The following GTF2E1 variants were observed in gnomAD, a reference collection of about 807,000 sequenced individuals.
The protein encoded by GTF2E1 is general transcription factor IIE subunit 1.
A neutral mutation model predicts 34.9 loss-of-function variants in GTF2E1; 14 were observed. The observed-to-expected ratio is 0.40, with a 90% CI of 0.27 to 0.63. The LOEUF (loss-of-function observed/expected upper bound fraction) is 0.63. Ranked by LOEUF, GTF2E1 falls within the 20% of genes least tolerant of loss-of-function variation. The probability of loss-of-function intolerance (pLI) is 0.39; values close to 1 mark genes in which losing one functional copy is unlikely to be tolerated. For synonymous variants in GTF2E1, 188 were observed against 192.9 expected (o/e 0.97, Z 0.21); for missense variants, 469 against 557.7 (o/e 0.84, Z 1.60).
At chr3:120,745,786 A>G (rs1484440471) in intron 1 of GTF2E1, among the ~76,000 whole-genome samples, 3 of 152,224 alleles carry the variant, frequency 2.0e-5, no homozygotes, top group African/African-American at 4.8e-5. Context: ...AAAAAATGAA[A>G]ACGGGGTTCA....
rs1405881691 is a variant in GTF2E1 at position 120,781,131 on chromosome 3, T to G, written c.981T>G (p.Ile327Met). 2.5e-6 allele frequency: 4 copies of G among 1,614,134 alleles called. No individual in the cohort carries two copies. The African/African-American group carries it at 5.3e-5, about 22-fold the overall frequency. Residue 327 changes from isoleucine to methionine, a missense_variant, in exon 5 of 5, where the codon ATT becomes ATG. Coordinates refer to ENST00000283875, the MANE Select transcript of GTF2E1 (RefSeq NM_005513.3). ...DNEEVMRALL[I>M]HEKKTSSAMA... The stretch of plus-strand genomic sequence containing the variant: ...AAGAGGTCATGCGAGCACTGCTCAT[T>G]CACGAGAAAAAGACTTCCTCTGCCA...
intron 1 of GTF2E1, among the ~76,000 whole-genome samples, chr3:120,744,658 A>G (rs376524412): frequency 6.6e-6 from 1 of 151,734 alleles, no homozygotes; most frequent in Non-Finnish European, 1.5e-5. Context: ...TTTTTTCTGT[A>G]ATAACTTTCA....
At chr3:120,751,387 C>G (rs1414166879) in intron 2 of GTF2E1, among the ~76,000 whole-genome samples, 1 of 152,128 alleles carries the variant, frequency 6.6e-6, no homozygotes, top group Admixed American at 6.6e-5. Flanking sequence ...AAAGTGGTAT[C>G]AGGAGTATAT....
At position 120,744,644 on chromosome 3, in the gene GTF2E1, A is replaced by AT. The variant is rs892176039; in HGVS notation, c.-31+1859dup. Among the ~76,000 whole-genome samples the AT allele has an allele frequency of 1.6e-4, 24 of 150,394 alleles. No individual in the cohort carries two copies. The South Asian group carries it at 3.2e-3, about 20-fold the overall frequency. On this transcript the variant is annotated intron_variant, in intron 1 of 4. Transcript: ENST00000283875. ...CAATATATTTTGTTGGGTCCTTTTG[A>AT]TTTTTTTTTCTGTAATAACTTTCAT...
At chr3:120,755,650 G>C (rs1366019388) in intron 2 of GTF2E1, among the ~76,000 whole-genome samples, 1 of 152,058 alleles carries the variant, frequency 6.6e-6, no homozygotes, top group African/African-American at 2.4e-5. Flanking sequence ...TACTATTTTA[G>C]TTATTTTTAA....
At chr3:120,777,886 G>A (rs1486793653) in intron 4 of GTF2E1, among the ~76,000 whole-genome samples, 2 of 152,168 alleles carry the variant, frequency 1.3e-5, no homozygotes, top group Non-Finnish European at 2.9e-5. Flanking sequence ...ACCATGGCCA[G>A]CTAATTTTTG....
intron 3 of GTF2E1, among the ~76,000 whole-genome samples, chr3:120,775,254 G>C (rs1349054349): frequency 6.6e-6 from 1 of 152,164 alleles, no homozygotes; most frequent in African/African-American, 2.4e-5. Flanking sequence ...TTCAGAATGA[G>C]TCGGGGCTCC....
chr3:120,778,925 A>C (rs1709424412), intron 4 of GTF2E1, among the ~76,000 whole-genome samples: 1 of 152,148 alleles, frequency 6.6e-6, no homozygotes, highest in Non-Finnish European at 1.5e-5. Context: ...CCACGTATAC[A>C]ACCTTCAGCT....
chr3:120,756,392 T>A (rs540854767), intron 2 of GTF2E1, among the ~76,000 whole-genome samples: 20 of 151,598 alleles, frequency 1.3e-4, no homozygotes, highest in South Asian at 1.3e-3. Flanking sequence ...GTCCTCAGTC[T>A]TTGGAATCTT....
rs1709399301 is a variant in GTF2E1, at chr3:120,776,406, C to G, written c.651-17C>G. The G allele has an allele frequency of 6.2e-7, 1 of 1,605,516 alleles. No individual in the cohort carries two copies. The highest frequency in any genetic ancestry group is 8.5e-7 in the Non-Finnish European group (1 of 1,177,466). ...TAATTTTTCTTCTTCCTGTACTCCTCTATTCTTTTTATATAGCAAGGACCA... is the reference window on the plus strand; with the variant it reads ...TAATTTTTCTTCTTCCTGTACTCCTGTATTCTTTTTATATAGCAAGGACCA... On this transcript the variant is annotated splice_polypyrimidine_tract_variant and intron_variant, in intron 3 of 4. Transcript: ENST00000283875.
chr3:120,747,098 GT>G (rs576564142), intron 1 of GTF2E1, among the ~76,000 whole-genome samples: 1 of 151,086 alleles, frequency 6.6e-6, no homozygotes, highest in Non-Finnish European at 1.5e-5. Context: ...GTGTTGTTTT[GT>G]TTTTTTGTTT....
intron 2 of GTF2E1, among the ~76,000 whole-genome samples, chr3:120,759,353 G>A (rs1346990410): frequency 6.6e-6 from 1 of 151,958 alleles, no homozygotes; most frequent in East Asian, 1.9e-4. Flanking sequence ...TTGTCAGGTG[G>A]GTAGATTGCA....
intron 2 of GTF2E1, among the ~76,000 whole-genome samples, chr3:120,761,895 A>G (rs1709267146): frequency 6.8e-6 from 1 of 146,076 alleles, no homozygotes; most frequent in South Asian, 2.1e-4. Flanking sequence ...GGTTCATGCC[A>G]TTCTCCTGCC....
At chr3:120,743,590 GA>G (rs1207052099) in intron 1 of GTF2E1, among the ~76,000 whole-genome samples, 1 of 152,182 alleles carries the variant, frequency 6.6e-6, no homozygotes, top group Non-Finnish European at 1.5e-5. Context: ...CAAGAAGGGG[GA>G]AAGAGCCATG....
chr3:120,780,683 A>G (rs1709439078), intron 4 of GTF2E1, among the ~76,000 whole-genome samples: 1 of 152,174 alleles, frequency 6.6e-6, no homozygotes, highest in Admixed American at 6.5e-5. Context: ...CATAGACATT[A>G]TCTTATATGT....
At chr3:120,745,940 G>T (rs1212717489) in intron 1 of GTF2E1, among the ~76,000 whole-genome samples, 1 of 152,128 alleles carries the variant, frequency 6.6e-6, no homozygotes, top group Non-Finnish European at 1.5e-5. Context: ...CACAGATTTG[G>T]ATCTAGGTGC....
intron 2 of GTF2E1, among the ~76,000 whole-genome samples, chr3:120,761,703 T>A (rs1210886360): frequency 1.3e-5 from 2 of 152,178 alleles, no homozygotes; most frequent in African/African-American, 2.4e-5. Context: ...AGGAGCAGGT[T>A]GTTCAGTTTC....
Position 120,750,285 on chromosome 3 carries a change from G to C in GTF2E1, c.-30-238G>C, listed in dbSNP as rs189066754. On this transcript the variant is annotated intron_variant, in intron 1 of 4. Transcript: ENST00000283875. Reference sequence around the variant, plus strand: ...TAATATATTGTTTTATAAATAAAAAGTTACTTTTTAATCAAACACACTATA... The same window carrying C: ...TAATATATTGTTTTATAAATAAAAACTTACTTTTTAATCAAACACACTATA... Among the ~76,000 whole-genome samples the C allele has an allele frequency of 3.9e-5, 6 of 152,206 alleles. No homozygotes were observed. In the East Asian group the frequency reaches 1.2e-3, roughly 29 times the overall value.
intron 1 of GTF2E1, among the ~76,000 whole-genome samples, chr3:120,743,897 C>A (rs1287112362): frequency 6.6e-6 from 1 of 152,126 alleles, no homozygotes; most frequent in Non-Finnish European, 1.5e-5. Flanking sequence ...CACAGTAGTC[C>A]TTAAATGTTG....
Sources: gnomAD v4.1 joint callset for allele counts (sites outside exome capture counted in the v4.1 genomes callset) on GRCh38, gnomAD v4.1.1 for gene constraint, MANE v1.5 for transcripts, NCBI Gene and HGNC (gene_info 2026-07-23, HGNC 2026-07-21) for gene names.